The following IGSF5 variants were observed in gnomAD, a reference collection of about 807,000 sequenced individuals.
IGSF5 encodes immunoglobulin superfamily 5 like.
IGSF5 carries 41 observed loss-of-function variants against 39.4 expected under a neutral mutation model. The observed-to-expected ratio is 1.04, with a 90% CI of 0.81 to 1.35. IGSF5 has a LOEUF of 1.35. Ranked by LOEUF, IGSF5 falls within the 40% of genes most tolerant of loss-of-function variation. IGSF5 has a pLI of 0.00. For synonymous variants in IGSF5, 183 were observed against 175.3 expected (o/e 1.04, Z -0.34); for missense variants, 487 against 494.6 (o/e 0.98, Z 0.15).
chr21:39,746,441 T>G, intron 2 of IGSF5, 143 bp downstream of exon 2: 1 of 564,114 alleles, frequency 1.8e-6, no homozygotes, highest in Non-Finnish European at 3.1e-6. Context: ...TCCCTCTTTT[T>G]CTATCTCTAC....
chr21:39,748,299 A>ATTTTTTT (rs1569246431), intron 2 of IGSF5, among the ~76,000 whole-genome samples: 1 of 43,744 alleles, frequency 2.3e-5, no homozygotes, highest in Non-Finnish European at 6.1e-5. Context: ...AGAAAACAAG[A>ATTTTTTT]TCTTTTTTTT....
chr21:39,735,192 A>G, the IGSF5 span, among the ~76,000 whole-genome samples: 3 of 152,170 alleles, frequency 2.0e-5, no homozygotes, highest in African/African-American at 7.2e-5. Flanking sequence ...TTAAAAAACA[A>G]ATATATGCTA....
intron 2 of IGSF5, among the ~76,000 whole-genome samples, chr21:39,761,611 T>C (rs1432256551): frequency 6.6e-6 from 1 of 152,230 alleles, no homozygotes; most frequent in African/African-American, 2.4e-5. Flanking sequence ...CATGAACAGA[T>C]ACTTCTCAAA....
intron 5 of IGSF5, among the ~76,000 whole-genome samples, chr21:39,786,305 A>G (rs1381063979): frequency 3.4e-4 from 49 of 145,264 alleles, no homozygotes; most frequent in South Asian, 1.1e-3. Flanking sequence ...AAGGACATGA[A>G]CAGACACTTC....
the IGSF5 span, among the ~76,000 whole-genome samples, chr21:39,726,424 C>T: frequency 6.6e-6 from 1 of 152,276 alleles, no homozygotes; most frequent in East Asian, 1.9e-4. Flanking sequence ...GACACGCAGG[C>T]CTCTGTCTCA....
chr21:39,722,791 C>T, the IGSF5 span, among the ~76,000 whole-genome samples: 12 of 152,222 alleles, frequency 7.9e-5, no homozygotes, highest in Admixed American at 4.6e-4. Flanking sequence ...TATTCATTTA[C>T]TTGTCTGTTT....
At chr21:39,788,041 T>C (rs2086934215) in intron 5 of IGSF5, 126 bp from the exon 6 acceptor site, 1 of 695,920 alleles carries the variant, frequency 1.4e-6, no homozygotes, top group Non-Finnish European at 2.5e-6. Context: ...AACTTAATAA[T>C]GCTCCTTGGG....
intron 6 of IGSF5, among the ~76,000 whole-genome samples, chr21:39,790,409 C>T (rs937621918): frequency 1.3e-5 from 2 of 152,144 alleles, no homozygotes; most frequent in African/African-American, 4.8e-5. Flanking sequence ...CCTGTAGTCC[C>T]AGCGCTTTGG....
intron 5 of IGSF5, among the ~76,000 whole-genome samples, chr21:39,786,858 AC>A (rs1257504632): frequency 2.6e-5 from 4 of 152,156 alleles, no homozygotes; most frequent in Non-Finnish European, 5.9e-5. Context: ...TATCGCAAGA[AC>A]AAAAAACCAA....
At chr21:39,747,675 C>T (rs749878423) in intron 2 of IGSF5, among the ~76,000 whole-genome samples, 1 of 152,220 alleles carries the variant, frequency 6.6e-6, no homozygotes, top group Non-Finnish European at 1.5e-5. Context: ...GTTCTTTGAG[C>T]AAACCAAATG....
chr21:39,732,379 A>G, the IGSF5 span, among the ~76,000 whole-genome samples: 1 of 152,208 alleles, frequency 6.6e-6, no homozygotes, highest in Non-Finnish European at 1.5e-5. Flanking sequence ...TTAAGTGACA[A>G]TGTGACATTC....
chr21:39,712,353 G>A, the IGSF5 span, among the ~76,000 whole-genome samples: 5 of 152,114 alleles, frequency 3.3e-5, no homozygotes, highest in Non-Finnish European at 4.4e-5. Context: ...AAGGCAAGTC[G>A]TGCAGGATTC....
intron 5 of IGSF5, among the ~76,000 whole-genome samples, chr21:39,780,647 A>G (rs2080165487): frequency 6.6e-6 from 1 of 152,256 alleles, no homozygotes; most frequent in Non-Finnish European, 1.5e-5. Context: ...AAAAATAATT[A>G]CGTGTTTCTT....
chr21:39,737,627 C>T, the IGSF5 span, among the ~76,000 whole-genome samples: 235 of 152,288 alleles, frequency 1.5e-3, no homozygotes, highest in Middle Eastern at 0.01. Context: ...CATGAAGATG[C>T]GCAGGGCGAG....
the IGSF5 span, among the ~76,000 whole-genome samples, chr21:39,728,446 G>A: frequency 1.3e-5 from 2 of 152,172 alleles, no homozygotes; most frequent in Non-Finnish European, 2.9e-5. Context: ...GGCCAGGAAG[G>A]ATTCCCTCCT....
intron 8 of IGSF5, among the ~76,000 whole-genome samples, chr21:39,799,723 C>G (rs2087018212): frequency 6.6e-6 from 1 of 152,126 alleles, no homozygotes; most frequent in African/African-American, 2.4e-5. Flanking sequence ...GTCTTGACAC[C>G]AAAGACTCCA....
rs1172900381 is a variant in IGSF5 at position 39,801,949 on chromosome 21, C to G, written c.*592C>G. On this transcript the variant is annotated 3_prime_UTR_variant, in exon 9 of 9. Coordinates refer to ENST00000380588, the MANE Select transcript of IGSF5 (RefSeq NM_001080444.2). ...ATTTTTATCTGCCCCTTTATCAGAC[C>G]TATTTGCATCTCCTCAAATGAATTA... 6.6e-6 allele frequency: 1 copy of G among 152,462 alleles called. No individual in the cohort carries two copies. Among genetic ancestry groups the G allele is most frequent in the South Asian group, 2.1e-4 (1 of 4,826 alleles). 9.4% of individuals were successfully genotyped at this position (152,462 alleles called of 1,614,324 possible). A position where few individuals can be genotyped will look rare whatever the true frequency, so the allele number is the denominator to read the frequency against.
chr21:39,777,351 T>C (rs181614917), intron 4 of IGSF5, among the ~76,000 whole-genome samples: 60 of 152,332 alleles, frequency 3.9e-4, no homozygotes, highest in African/African-American at 1.4e-3. Flanking sequence ...TGCATCAGAA[T>C]CACTTGGGGT....
chr21:39,786,107 G>A (rs558342355), intron 5 of IGSF5, among the ~76,000 whole-genome samples: 1 of 151,922 alleles, frequency 6.6e-6, no homozygotes, highest in Admixed American at 6.6e-5. Flanking sequence ...ATTGACAAAT[G>A]GGATCTAATT....
Sources: allele counts gnomAD v4.1 joint callset (sites outside exome capture counted in the v4.1 genomes callset), GRCh38; gene constraint gnomAD v4.1.1; transcripts MANE v1.5; gene names NCBI Gene and HGNC (gene_info 2026-07-23, HGNC 2026-07-21).